The following NCKAP5 variants were observed in gnomAD, a reference collection of about 807,000 sequenced individuals.
NCKAP5 encodes the protein NCK associated protein 5.
In NCKAP5, 92 loss-of-function variants were observed where a neutral mutation model predicts 167.0. The observed-to-expected ratio is 0.55, with a 90% CI of 0.47 to 0.66. The LOEUF (loss-of-function observed/expected upper bound fraction) is 0.66. NCKAP5 is among the 30% of genes least tolerant of loss of function. NCKAP5 has a pLI of 0.00. For synonymous variants in NCKAP5, 891 were observed against 877.4 expected (o/e 1.02, Z -0.27); for missense variants, 2,378 against 2,315.0 (o/e 1.03, Z -0.56).
chr2:132,714,252 G>A (rs147104213), intron 19 of NCKAP5, among the ~76,000 whole-genome samples: 162 of 152,260 alleles, frequency 1.1e-3, no homozygotes, highest in African/African-American at 3.4e-3. Context: ...CCTTTCTGGG[G>A]CTTTAGCTTC....
chr2:133,042,609 A>G (rs975338190), intron 6 of NCKAP5, among the ~76,000 whole-genome samples: 1 of 152,226 alleles, frequency 6.6e-6, no homozygotes, highest in Non-Finnish European at 1.5e-5. Flanking sequence ...TTGTATTCAT[A>G]ATAGAAATAG....
the NCKAP5 span, among the ~76,000 whole-genome samples, chr2:133,621,990 C>T: frequency 1.3e-5 from 2 of 152,052 alleles, no homozygotes; most frequent in African/African-American, 2.4e-5. Context: ...ATATGTAAGC[C>T]AGTAAATGTG....
intron 2 of NCKAP5, among the ~76,000 whole-genome samples, chr2:133,553,818 A>G (rs1687549332): frequency 6.6e-6 from 1 of 152,258 alleles, no homozygotes; most frequent in East Asian, 1.9e-4. Flanking sequence ...AAGAATGTAT[A>G]TATTTGTTAT....
chr2:133,524,803 T>C (rs2104790461), intron 2 of NCKAP5, among the ~76,000 whole-genome samples: 1 of 152,342 alleles, frequency 6.6e-6, no homozygotes, highest in East Asian at 1.9e-4. Context: ...TTTTGGAAGA[T>C]ATATCAGCTC....
intron 6 of NCKAP5, among the ~76,000 whole-genome samples, chr2:132,998,729 TAATG>T (rs1194192856): frequency 1.3e-5 from 2 of 152,204 alleles, no homozygotes; most frequent in Non-Finnish European, 2.9e-5. Context: ...TTTCGACGGC[TAATG>T]AATGAAAGTT....
rs528384061 is a variant in NCKAP5 at position 133,072,176 on chromosome 2, C to T, written c.341+57802G>A. Among the ~76,000 whole-genome samples, 97 of 152,040 alleles carry T rather than the reference C, an allele frequency of 6.4e-4. 3 individuals carry two copies. The South Asian group carries it at 0.02, about 32-fold the overall frequency. ...CTCGGCTCACTACAACCTCTGCCTC[C>T]TCTGTTCAAGCAATTCTCCTGCCTC... On this transcript the variant is annotated intron_variant, in intron 6 of 19. Coordinates refer to ENST00000409261, the MANE Select transcript of NCKAP5 (RefSeq NM_207363.3).
intron 7 of NCKAP5, among the ~76,000 whole-genome samples, chr2:132,981,418 C>T (rs137960378): frequency 2.0e-5 from 3 of 152,262 alleles, no homozygotes; most frequent in African/African-American, 7.2e-5. Context: ...GGAAGGAGGA[C>T]AGAGAGGATC....
the NCKAP5 span, among the ~76,000 whole-genome samples, chr2:133,595,828 T>C: frequency 6.6e-6 from 1 of 152,172 alleles, no homozygotes; most frequent in Non-Finnish European, 1.5e-5. Context: ...CACTGACTCT[T>C]TATCTATAGA....
In NCKAP5 at chr2:132,920,772, T is replaced by TATGTATGTATGTGTGTATATAC. The variant is rs1695339016; in HGVS notation, c.580-41857_580-41856insGTATATACACACATACATACAT. Reference sequence around the variant, plus strand: ...ATATATATATGTATATATATGTATGTATATATATATATATATATATATATA... The same window carrying TATGTATGTATGTGTGTATATAC: ...ATATATATATGTATATATATGTATGTATGTATGTATGTGTGTATATACATATATATATATATATATATATATA... On this transcript the variant is annotated intron_variant, in intron 8 of 19. Transcript: ENST00000409261. Among the ~76,000 whole-genome samples the TATGTATGTATGTGTGTATATAC allele has an allele frequency of 7.6e-4, 2 of 2,624 alleles. 1 individual carries two copies. The highest frequency in any genetic ancestry group is 1.2e-3 in the African/African-American group (2 of 1,622). 1.7% of individuals were successfully genotyped at this position (2,624 alleles called of 152,430 possible). A position where few individuals can be genotyped will look rare whatever the true frequency, so the allele number is the denominator to read the frequency against.
At chr2:133,129,543 C>T (rs2082526401) in intron 6 of NCKAP5, among the ~76,000 whole-genome samples, 1 of 152,136 alleles carries the variant, frequency 6.6e-6, no homozygotes. Flanking sequence ...GTGAATAGTG[C>T]CTCAATAAAC....
intron 9 of NCKAP5, among the ~76,000 whole-genome samples, chr2:132,873,634 G>A (rs1691017450): frequency 6.6e-6 from 1 of 152,174 alleles, no homozygotes; most frequent in Non-Finnish European, 1.5e-5. Flanking sequence ...ATTGGAAAAG[G>A]GTGAACAGTG....
At position 133,291,671 on chromosome 2, in the gene NCKAP5, C is replaced by T. The variant is rs919196131; in HGVS notation, c.143+11366G>A. On this transcript the variant is annotated intron_variant, in intron 4 of 19. Transcript: ENST00000409261. Reference sequence around the variant, plus strand: ...AGGCAAAGCCCGGACACCAAGTAAGCCAGGTACCCCTGAGGCAAACTCCAG... The same window carrying T: ...AGGCAAAGCCCGGACACCAAGTAAGTCAGGTACCCCTGAGGCAAACTCCAG... Among the ~76,000 whole-genome samples the T allele has an allele frequency of 5.3e-5, 8 of 152,332 alleles. No homozygotes were observed. In the East Asian group the frequency reaches 1.5e-3, roughly 29 times the overall value.
At chr2:132,886,201 A>G (rs1025667132) in intron 8 of NCKAP5, among the ~76,000 whole-genome samples, 1 of 152,238 alleles carries the variant, frequency 6.6e-6, no homozygotes, top group African/African-American at 2.4e-5. Context: ...AAAATGTAGC[A>G]AAATATTGCA....
intron 19 of NCKAP5, among the ~76,000 whole-genome samples, chr2:132,694,318 G>A (rs984467688): frequency 3.3e-5 from 5 of 152,064 alleles, no homozygotes; most frequent in Admixed American, 2.0e-4. Flanking sequence ...ATCAGGAAGC[G>A]ATGAAACGCA....
At chr2:133,412,324 G>C (rs2151062859) in intron 3 of NCKAP5, among the ~76,000 whole-genome samples, 1 of 152,242 alleles carries the variant, frequency 6.6e-6, no homozygotes, top group Non-Finnish European at 1.5e-5. Context: ...CCCTGATCTT[G>C]GACTTCCAGA....
At chr2:133,674,063 A>G in the NCKAP5 span, among the ~76,000 whole-genome samples, 1 of 152,234 alleles carries the variant, frequency 6.6e-6, no homozygotes, top group African/African-American at 2.4e-5. Context: ...CACAGAAATC[A>G]TGCAACTGCA....
intron 8 of NCKAP5, among the ~76,000 whole-genome samples, chr2:132,957,262 C>T (rs2149175777): frequency 6.6e-6 from 1 of 152,304 alleles, no homozygotes; most frequent in African/African-American, 2.4e-5. Flanking sequence ...CACTCAGTTG[C>T]TAAAACCAAA....
intron 19 of NCKAP5, among the ~76,000 whole-genome samples, chr2:132,694,958 C>G (rs1687166185): frequency 6.6e-6 from 1 of 152,148 alleles, no homozygotes; most frequent in South Asian, 2.1e-4. Flanking sequence ...AGTCCAAGAT[C>G]AAGGCACTGG....
At chr2:133,452,501 T>C (rs1691610817) in intron 3 of NCKAP5, among the ~76,000 whole-genome samples, 2 of 152,226 alleles carry the variant, frequency 1.3e-5, no homozygotes, top group Non-Finnish European at 1.5e-5. Context: ...AATCTCACTA[T>C]AAAATTTCAT....
Sources: allele counts gnomAD v4.1 joint callset (sites outside exome capture counted in the v4.1 genomes callset), GRCh38; gene constraint gnomAD v4.1.1; transcripts MANE v1.5; gene names NCBI Gene and HGNC (gene_info 2026-07-23, HGNC 2026-07-21).